Variants in DSCAM observed in about 807,000 individuals in gnomAD.
DSCAM encodes the protein cell adhesion molecule DSCAM.
In DSCAM, 47 loss-of-function variants were observed where a neutral mutation model predicts 217.7. That is an observed-to-expected ratio of 0.22 (90% CI 0.17 to 0.28). The LOEUF is 0.28. DSCAM is among the 10% of genes least tolerant of loss of function. The probability of loss-of-function intolerance (pLI) is 1.00; values close to 1 mark genes in which losing one functional copy is unlikely to be tolerated. For missense variants in DSCAM, 2,080 were observed against 2,618.3 expected (o/e 0.79, Z 4.49); for synonymous variants, 1,056 against 1,015.3 (o/e 1.04, Z -0.76).
chr21:40,805,853 C>T (rs1028916691), intron 1 of DSCAM, among the ~76,000 whole-genome samples: 1 of 152,006 alleles, frequency 6.6e-6, no homozygotes, highest in African/African-American at 2.4e-5. Context: ...GGACTAGAGG[C>T]ACCTGCCACC....
intron 10 of DSCAM, among the ~76,000 whole-genome samples, chr21:40,280,641 G>GT (rs1259185555): frequency 6.6e-6 from 1 of 152,150 alleles, no homozygotes; most frequent in Non-Finnish European, 1.5e-5. Context: ...AATTCAAACA[G>GT]TAAAAAAGTA....
intron 2 of DSCAM, among the ~76,000 whole-genome samples, chr21:40,698,306 C>G (rs1273250736): frequency 6.6e-6 from 1 of 152,058 alleles, no homozygotes; most frequent in Non-Finnish European, 1.5e-5. Flanking sequence ...CCTAGAAGGT[C>G]ACGATAAGCA....
intron 8 of DSCAM, among the ~76,000 whole-genome samples, chr21:40,326,777 C>A (rs2074321883): frequency 6.6e-6 from 1 of 151,962 alleles, no homozygotes. Context: ...AGTCCAGGGG[C>A]ATGTTGAATA....
At chr21:40,472,552 T>G (rs1380914274) in intron 3 of DSCAM, among the ~76,000 whole-genome samples, 4 of 152,242 alleles carry the variant, frequency 2.6e-5, no homozygotes, top group Admixed American at 6.5e-5. Context: ...ATAGTAAAAC[T>G]TCATTTTGAA....
rs763287766 is a variant in DSCAM, at chr21:40,142,549, T to C, written c.3406+9A>G. On this transcript the variant is annotated intron_variant, in intron 18 of 32. Transcript: ENST00000400454. ...AGGCAAACCCAAAGTCCTAGTTTAGTCCTCTTACCTCCGTCCATGAGGTTG... is the reference window on the plus strand; with the variant it reads ...AGGCAAACCCAAAGTCCTAGTTTAGCCCTCTTACCTCCGTCCATGAGGTTG... The C allele has an allele frequency of 9.3e-6, 15 of 1,613,826 alleles. No homozygotes were observed. The highest frequency in any genetic ancestry group is 1.3e-5 in the African/African-American group (1 of 75,050).
At chr21:40,482,016 G>A (rs2075987417) in intron 3 of DSCAM, among the ~76,000 whole-genome samples, 1 of 152,210 alleles carries the variant, frequency 6.6e-6, no homozygotes, top group African/African-American at 2.4e-5. Context: ...TCTCAGAAGT[G>A]TCTGAAGTCA....
chr21:40,370,917 A>G (rs1412777164), intron 3 of DSCAM, among the ~76,000 whole-genome samples: 1 of 152,194 alleles, frequency 6.6e-6, no homozygotes. Flanking sequence ...CCAAAGTGGG[A>G]TTACAGGCAT....
At chr21:40,679,869 T>C (rs1049412110) in intron 3 of DSCAM, among the ~76,000 whole-genome samples, 7 of 152,350 alleles carry the variant, frequency 4.6e-5, no homozygotes, top group African/African-American at 1.7e-4. Flanking sequence ...TACCTTGCAT[T>C]TTAGCAATTC....
At chr21:40,651,857 C>T (rs544860653) in intron 3 of DSCAM, among the ~76,000 whole-genome samples, 2 of 152,282 alleles carry the variant, frequency 1.3e-5, no homozygotes, top group African/African-American at 4.8e-5. Context: ...AAGTGGGACC[C>T]AACTTCAATG....
chr21:40,138,201 GTAGTAACAA>G (rs796623068), intron 18 of DSCAM, among the ~76,000 whole-genome samples: 58 of 151,982 alleles, frequency 3.8e-4, no homozygotes, highest in African/African-American at 1.4e-3. Flanking sequence ...AATTACAGTG[GTAGTAACAA>G]TATTTGCCCC....
chr21:40,372,243 A>T (rs546863603), intron 3 of DSCAM, among the ~76,000 whole-genome samples: 1 of 152,162 alleles, frequency 6.6e-6, no homozygotes. Context: ...TGTCATATGG[A>T]TTAAATGGTT....
chr21:40,275,793 C>T (rs771880462), intron 11 of DSCAM, among the ~76,000 whole-genome samples: 8 of 152,080 alleles, frequency 5.3e-5, no homozygotes, highest in Non-Finnish European at 1.0e-4. Context: ...AGGCAGAGAC[C>T]TACTCATCTG....
At chr21:40,149,753 A>G (rs1000826564) in intron 16 of DSCAM, among the ~76,000 whole-genome samples, 1 of 147,132 alleles carries the variant, frequency 6.8e-6, no homozygotes, top group African/African-American at 2.6e-5. Context: ...CACAACATCC[A>G]TCGCTCCATC....
At chr21:40,196,430 G>A (rs935463179) in intron 11 of DSCAM, among the ~76,000 whole-genome samples, 3 of 152,126 alleles carry the variant, frequency 2.0e-5, no homozygotes, top group South Asian at 2.1e-4. Flanking sequence ...CCCACCGCAC[G>A]TTGGCTCAGA....
chr21:40,776,882 A>G (rs2091493020), intron 1 of DSCAM, among the ~76,000 whole-genome samples: 1 of 152,228 alleles, frequency 6.6e-6, no homozygotes, highest in Admixed American at 6.5e-5. Context: ...GCTTCCTTAA[A>G]ATAAGAGTAA....
intron 1 of DSCAM, among the ~76,000 whole-genome samples, chr21:40,795,541 G>C (rs1271955775): frequency 2.6e-5 from 4 of 152,148 alleles, no homozygotes; most frequent in Admixed American, 6.5e-5. Flanking sequence ...TCTATGAAGA[G>C]TGTACTCACA....
chr21:40,622,766 C>G (rs985740232), intron 3 of DSCAM, among the ~76,000 whole-genome samples: 1 of 151,924 alleles, frequency 6.6e-6, no homozygotes, highest in Non-Finnish European at 1.5e-5. Context: ...AAACTCAGCT[C>G]TGTCTTCCCA....
intron 1 of DSCAM, among the ~76,000 whole-genome samples, chr21:40,793,351 C>T (rs981117242): frequency 3.3e-5 from 5 of 152,158 alleles, no homozygotes; most frequent in Admixed American, 6.5e-5. Context: ...AGAGGGTTTG[C>T]AGCATTAGAA....
chr21:40,180,097 G>A (rs1568985067), intron 14 of DSCAM, among the ~76,000 whole-genome samples: 1 of 152,346 alleles, frequency 6.6e-6, no homozygotes, highest in East Asian at 1.9e-4. Flanking sequence ...GCCATACCCA[G>A]TCTTTTATCC....
Sources: gnomAD v4.1 joint callset for allele counts (sites outside exome capture counted in the v4.1 genomes callset) on GRCh38, gnomAD v4.1.1 for gene constraint, MANE v1.5 for transcripts, NCBI Gene and HGNC (gene_info 2026-07-23, HGNC 2026-07-21) for gene names.